Variants in STARD9 observed in about 807,000 individuals in gnomAD.
STARD9 encodes the protein stAR-related lipid transfer protein 9.
Under a neutral mutation model 399.8 loss-of-function variants are expected in STARD9, and 346 were observed. The ratio of observed to expected loss-of-function variants is 0.87; its 90% CI spans 0.79 to 0.95. The LOEUF is 0.95. Ranked by LOEUF, STARD9 falls within the 40% of genes least tolerant of loss-of-function variation. The probability of loss-of-function intolerance (pLI) is 0.00; values close to 1 mark genes in which losing one functional copy is unlikely to be tolerated. For synonymous variants in STARD9, 2,203 were observed against 2,143.5 expected (o/e 1.03, Z -0.77); for missense variants, 5,832 against 5,667.5 (o/e 1.03, Z -0.93).
Position 42,718,808 on chromosome 15 carries a change from C to T in STARD9, c.13899C>T (p.Pro4633=). ...TGTATGATACATCCATGCCAAGACC[C>T]AGCAGAAAAATGGTTCGCGGGGAGA... ...QSVYDTSMPR[P]SRKMVRGEIL... The change falls in exon 32 of 33, where the codon CCC becomes CCT. Residue 4633 remains proline (P), a synonymous_variant. Transcript: ENST00000290607. 1 of 1,537,258 alleles carries T rather than the reference C, an allele frequency of 6.5e-7. No individual in the cohort carries two copies. The highest frequency in any genetic ancestry group is 8.7e-7 in the Non-Finnish European group (1 of 1,146,908).
chr15:42,631,441 G>A (rs1478972705), intron 3 of STARD9, among the ~76,000 whole-genome samples: 1 of 152,038 alleles, frequency 6.6e-6, no homozygotes, highest in Non-Finnish European at 1.5e-5. Context: ...AAAACCAGGC[G>A]TGGTGGTGTG....
chr15:42,705,886 G>A (rs911603960), intron 26 of STARD9, among the ~76,000 whole-genome samples: 1 of 152,058 alleles, frequency 6.6e-6, no homozygotes, highest in African/African-American at 2.4e-5. Context: ...CTGAGTAGCT[G>A]GGATTACAGG....
intron 15 of STARD9, among the ~76,000 whole-genome samples, chr15:42,666,555 T>C (rs1334808941): frequency 6.6e-6 from 1 of 152,186 alleles, no homozygotes; most frequent in Non-Finnish European, 1.5e-5. Context: ...TAGAGGGTAG[T>C]GCAGGTAAGG....
intron 6 of STARD9, 22 bp downstream of exon 6, chr15:42,638,109 G>C (rs1414024224): frequency 6.5e-7 from 1 of 1,532,644 alleles, no homozygotes; most frequent in East Asian, 2.4e-5. Context: ...CCAAGCTCTG[G>C]GACCTACAGT....
intron 3 of STARD9, among the ~76,000 whole-genome samples, chr15:42,626,010 C>T (rs1293475039): frequency 6.6e-6 from 1 of 152,100 alleles, no homozygotes; most frequent in Non-Finnish European, 1.5e-5. Flanking sequence ...CAGCCTCTGC[C>T]TCCTAAGTTC....
At chr15:42,673,041 T>A (rs2060233058) in intron 16 of STARD9, 2 of 148,582 alleles carry the variant, frequency 1.3e-5, no homozygotes, top group African/African-American at 5.1e-5. Context: ...GAGGTTGCGG[T>A]GAGCCAAGAT....
intron 26 of STARD9, among the ~76,000 whole-genome samples, chr15:42,697,916 A>G (rs2060879053): frequency 6.6e-6 from 1 of 152,158 alleles, no homozygotes; most frequent in South Asian, 2.1e-4. Context: ...CAGTGTACCT[A>G]GTTCCTCTCC....
At chr15:42,675,830 G>A (rs2060299397) in intron 19 of STARD9, 42 bp from the exon 20 acceptor site, 2 of 1,534,818 alleles carry the variant, frequency 1.3e-6, no homozygotes, top group African/African-American at 2.7e-5. Flanking sequence ...GAGAGGTGGA[G>A]GCGATGACAG....
In STARD9 at chr15:42,607,395, G is replaced by C. The variant is rs918982206; in HGVS notation, c.234+21758G>C. ...TTTTTATATTTTTAGTAGAGATGGG[G>C]TTTCACCATGTTGGCCAGGCTGGTC... is the stretch of plus-strand genomic sequence containing the variant. On this transcript the variant is annotated intron_variant, in intron 3 of 32. Transcript: ENST00000290607. Among the ~76,000 whole-genome samples the C allele has an allele frequency of 4.6e-5, 7 of 151,522 alleles. No homozygotes were observed. The East Asian group carries it at 1.4e-3, about 29-fold the overall frequency.
rs895436958 is a variant in STARD9 at position 42,684,073 on chromosome 15, G to T, written c.2538-43G>T. On this transcript the variant is annotated intron_variant, in intron 22 of 32. Coordinates refer to ENST00000290607, the MANE Select transcript of STARD9 (RefSeq NM_020759.3). Reference sequence around the variant, plus strand: ...AACCTCCTTCTGTCCACAGGAAGTAGTACCTCTCACATCTTCTGAGATAGC... The same window carrying T: ...AACCTCCTTCTGTCCACAGGAAGTATTACCTCTCACATCTTCTGAGATAGC... 29 of 1,490,912 alleles carry T rather than the reference G, an allele frequency of 1.9e-5. No individual in the cohort carries two copies. In the African/African-American group the frequency reaches 3.7e-4, roughly 19 times the overall value. 92.4% of individuals were successfully genotyped at this position (1,490,912 alleles called of 1,614,324 possible).
intron 26 of STARD9, among the ~76,000 whole-genome samples, chr15:42,707,264 T>C (rs1393122228): frequency 1.3e-5 from 2 of 152,232 alleles, no homozygotes; most frequent in African/African-American, 4.8e-5. Flanking sequence ...GACTCAGCAA[T>C]GTTTGCATAG....
Position 42,691,445 on chromosome 15 carries a change from C to T in STARD9, c.9867C>T (p.Gly3289=), listed in dbSNP as rs1183956064. 2.6e-6 allele frequency: 4 copies of T among 1,537,194 alleles called. No individual in the cohort carries two copies. The highest frequency in any genetic ancestry group is 1.4e-5 in the African/African-American group (1 of 73,152). The change falls in exon 23 of 33, where the codon GGC becomes GGT. Residue 3289 remains glycine, a synonymous_variant. Coordinates refer to ENST00000290607, the MANE Select transcript of STARD9 (RefSeq NM_020759.3). ...ETPQPAAQRS[G]HLYTGREQPA... Reference sequence around the variant, plus strand: ...CGCAGCCTGCTGCTCAGAGGAGTGGCCACCTCTACACTGGCAGAGAGCAGC... The same window carrying T: ...CGCAGCCTGCTGCTCAGAGGAGTGGTCACCTCTACACTGGCAGAGAGCAGC...
At chr15:42,631,854 C>G (rs965722561) in intron 3 of STARD9, among the ~76,000 whole-genome samples, 1 of 151,914 alleles carries the variant, frequency 6.6e-6, no homozygotes, top group Non-Finnish European at 1.5e-5. Flanking sequence ...TGTTTTGTGG[C>G]CGAACATATG....
At chr15:42,703,370 T>G (rs2061007711) in intron 26 of STARD9, among the ~76,000 whole-genome samples, 1 of 150,148 alleles carries the variant, frequency 6.7e-6, no homozygotes, top group African/African-American at 2.5e-5. Context: ...TTTGTTTGTT[T>G]TTTTTTTTTT....
rs2060641519 is a variant in STARD9, at chr15:42,689,596, A to G, written c.8018A>G (p.Gln2673Arg). The G allele has an allele frequency of 1.3e-6, 2 of 1,537,286 alleles. No homozygotes were observed. Among genetic ancestry groups the G allele is most frequent in the African/African-American group, 1.4e-5 (1 of 73,042 alleles). The change falls in exon 23 of 33, where the codon CAA (glutamine) becomes CGA (arginine). Residue 2673 changes from glutamine (Q) to arginine (R), a missense_variant. Gln to Arg is a conservative substitution (Grantham distance 43, BLOSUM62 1). Coordinates refer to ENST00000290607, the MANE Select transcript of STARD9 (RefSeq NM_020759.3). ...GCTTTCTCCCATGCTGCTCCTGCTC[A>G]AGACAGGAAACGTCGTACTGGAGAA... is the stretch of plus-strand genomic sequence containing the variant. ...VQAFSHAAPA[Q>R]DRKRRTGELR...
rs2059854924 is a variant in STARD9 at position 42,655,737 on chromosome 15, G to A, written c.702+3145G>A. ...GCAACAAAAACAAAGAGAAATAGAT[G>A]GGACTTAAATAAAACAAAAATCTTC... On this transcript the variant is annotated intron_variant, in intron 9 of 32. Transcript: ENST00000290607. Among the ~76,000 whole-genome samples the A allele has an allele frequency of 3.3e-5, 5 of 152,106 alleles. No individual in the cohort carries two copies. In the South Asian group the frequency reaches 1.0e-3, roughly 32 times the overall value.
intron 8 of STARD9, among the ~76,000 whole-genome samples, 190 bp downstream of exon 8, chr15:42,651,275 C>T (rs2059757603): frequency 6.6e-6 from 1 of 152,132 alleles, no homozygotes; most frequent in African/African-American, 2.4e-5. Flanking sequence ...TTAGTCTCTT[C>T]TCACTAGTAA....
intron 8 of STARD9, among the ~76,000 whole-genome samples, chr15:42,651,556 T>C (rs2059763220): frequency 6.6e-6 from 1 of 152,218 alleles, no homozygotes; most frequent in Admixed American, 6.5e-5. Flanking sequence ...CTAAAAGCTA[T>C]TGTAAATTGT....
intron 3 of STARD9, among the ~76,000 whole-genome samples, chr15:42,627,270 T>C (rs566211814): frequency 6.6e-6 from 1 of 152,204 alleles, no homozygotes; most frequent in South Asian, 2.1e-4. Context: ...TACTCTAGCC[T>C]GGGCAGCAGA....
Sources: allele counts gnomAD v4.1 joint callset (sites outside exome capture counted in the v4.1 genomes callset), GRCh38; gene constraint gnomAD v4.1.1; transcripts MANE v1.5; gene names NCBI Gene and HGNC (gene_info 2026-07-23, HGNC 2026-07-21).